The following ATL3 variants were observed in gnomAD, a reference collection of about 807,000 sequenced individuals.
ATL3 encodes atlastin GTPase 3, also known as atlastin-3.
A neutral mutation model predicts 69.5 loss-of-function variants in ATL3; 49 were observed. That is an observed-to-expected ratio of 0.71 (90% CI 0.56 to 0.89). ATL3 has a LOEUF of 0.89. Among genes scored for constraint, ATL3 ranks in the 40% least tolerant of loss-of-function variants. The pLI, the probability that ATL3 is intolerant of heterozygous loss-of-function variation, is 0.00. For synonymous variants in ATL3, 214 were observed against 224.1 expected (o/e 0.95, Z 0.40); for missense variants, 606 against 645.7 (o/e 0.94, Z 0.67).
upstream of ATL3, chr11:63,671,753 T>G: frequency 8.3e-7 from 1 of 1,203,050 alleles, no homozygotes; most frequent in Non-Finnish European, 1.1e-6. Context: ...GGCGTGGTTC[T>G]CCGACGACTG....
At chr11:63,631,740 C>T (rs1328136057) in intron 11 of ATL3, among the ~76,000 whole-genome samples, 2 of 152,162 alleles carry the variant, frequency 1.3e-5, no homozygotes, top group East Asian at 1.9e-4. Context: ...CCAGCACTTT[C>T]GGAGGCCAGG....
chr11:63,644,364 T>G, intron 6 of ATL3, 103 bp from the exon 7 acceptor site: 3 of 635,976 alleles, frequency 4.7e-6, no homozygotes, highest in South Asian at 3.5e-5. Context: ...ACAAAGGGGG[T>G]AAAGTAGAAG....
intron 1 of ATL3, among the ~76,000 whole-genome samples, chr11:63,667,086 T>C (rs1940593437): frequency 6.6e-6 from 1 of 152,222 alleles, no homozygotes; most frequent in Non-Finnish European, 1.5e-5. Flanking sequence ...TCATTCCCTT[T>C]TCCAGAGTAT....
chr11:63,653,139 T>C (rs1166463720), intron 3 of ATL3, among the ~76,000 whole-genome samples: 6 of 152,064 alleles, frequency 3.9e-5, no homozygotes, highest in Non-Finnish European at 8.8e-5. Context: ...CAGACCAGCC[T>C]GGCCAACACG....
At chr11:63,647,879 T>G (rs1003754898) in intron 5 of ATL3, among the ~76,000 whole-genome samples, 1 of 152,246 alleles carries the variant, frequency 6.6e-6, no homozygotes, top group African/African-American at 2.4e-5. Context: ...TTCTCTGTTC[T>G]GCTAAGAAAT....
At chr11:63,671,897 A>T, upstream of ATL3, 1 of 332,988 alleles carries the variant, frequency 3.0e-6, no homozygotes. Context: ...TGTGAGAGAC[A>T]GCTTTGGTGT....
At chr11:63,667,284 T>A (rs1358662594) in intron 1 of ATL3, among the ~76,000 whole-genome samples, 1 of 152,120 alleles carries the variant, frequency 6.6e-6, no homozygotes, top group African/African-American at 2.4e-5. Context: ...CTATCACTCA[T>A]CAGTTCAAGT....
rs576025217 is a variant in ATL3, at chr11:63,639,770, A to AATAC, written c.851-3440_851-3437dup. 7.6e-4 allele frequency among the ~76,000 whole-genome samples: 116 copies of AATAC among 152,170 alleles called. 3 individuals are homozygous for AATAC. The South Asian group carries it at 0.021, about 28-fold the overall frequency. ...ACCCTGTCTCTAAAATAAATAAATA[A>AATAC]ATACATACATACATACATGAATGCA... On this transcript the variant is annotated intron_variant, in intron 8 of 12. Coordinates refer to ENST00000398868, the MANE Select transcript of ATL3 (RefSeq NM_015459.5).
chr11:63,643,501 A>C lies in ATL3; in HGVS notation c.712-6T>G. On this transcript the variant is annotated splice_region_variant and splice_polypyrimidine_tract_variant and intron_variant, in intron 7 of 12. Transcript: ENST00000398868. ...TCATGTTGATGTTCCTTCACCTGCC[A>C]ATGAAGACCAAGAATTTACCAACCA... 1 of 1,603,018 alleles carries C rather than the reference A, an allele frequency of 6.2e-7. No homozygotes were observed. Among genetic ancestry groups the C allele is most frequent in the Non-Finnish European group, 8.5e-7 (1 of 1,174,748 alleles).
intron 1 of ATL3, 92 bp from the exon 2 acceptor site, chr11:63,659,344 G>A (rs955337267): frequency 9.1e-7 from 1 of 1,104,630 alleles, no homozygotes; most frequent in Non-Finnish European, 1.3e-6. Flanking sequence ...ACAGGGGACA[G>A]GGCCAGGCTC....
intron 11 of ATL3, chr11:63,632,596 T>C: frequency 3.5e-6 from 3 of 860,126 alleles, no homozygotes; most frequent in Admixed American, 3.4e-5. Context: ...ATTCTACAGA[T>C]TCCAGTTACT....
rs141584591 is a variant in ATL3 at position 63,640,232 on chromosome 11, T to C, written c.850+3125A>G. 3.7e-3 allele frequency among the ~76,000 whole-genome samples: 564 copies of C among 152,260 alleles called. 4 individuals carry two copies. The highest frequency in any genetic ancestry group is 0.013 in the African/African-American group (541 of 41,560). ...GAGCTACCGCACCCGGCCTCTACCT[T>C]ATCCTTTTTAATGACTGCATTTTAT... On this transcript the variant is annotated intron_variant, in intron 8 of 12. Coordinates refer to ENST00000398868, the MANE Select transcript of ATL3 (RefSeq NM_015459.5).
chr11:63,647,270 C>A (rs1038307308), intron 5 of ATL3, among the ~76,000 whole-genome samples: 1 of 152,102 alleles, frequency 6.6e-6, no homozygotes, highest in Non-Finnish European at 1.5e-5. Flanking sequence ...CGTGGCTCAT[C>A]GCAACCTCCG....
chr11:63,646,652 C>A, intron 5 of ATL3, 89 bp from the exon 6 acceptor site: 1 of 788,272 alleles, frequency 1.3e-6, no homozygotes, highest in Non-Finnish European at 2.1e-6. Context: ...TATATTTATA[C>A]TGATACCAGA....
intron 1 of ATL3, among the ~76,000 whole-genome samples, chr11:63,669,655 A>C (rs1457282644): frequency 6.6e-6 from 1 of 152,092 alleles, no homozygotes; most frequent in Non-Finnish European, 1.5e-5. Context: ...AGCTAATACA[A>C]TAATGGGCCG....
intron 6 of ATL3, among the ~76,000 whole-genome samples, chr11:63,645,263 C>G (rs767909142): frequency 6.6e-6 from 1 of 151,096 alleles, no homozygotes; most frequent in African/African-American, 2.4e-5. Flanking sequence ...AAAAATTAGC[C>G]GGGCGCCTGA....
At chr11:63,653,518 T>C (rs1350893522) in intron 3 of ATL3, among the ~76,000 whole-genome samples, 1 of 151,934 alleles carries the variant, frequency 6.6e-6, no homozygotes, top group Non-Finnish European at 1.5e-5. Flanking sequence ...TGAAAACTTA[T>C]GTCTCAACAA....
At chr11:63,656,303 T>C (rs752165197) in intron 3 of ATL3, among the ~76,000 whole-genome samples, 1 of 150,908 alleles carries the variant, frequency 6.6e-6, no homozygotes, top group African/African-American at 2.4e-5. Flanking sequence ...CAACCAGACA[T>C]ACCCTATAAA....
At chr11:63,653,871 G>A (rs769351190) in intron 3 of ATL3, among the ~76,000 whole-genome samples, 4 of 152,194 alleles carry the variant, frequency 2.6e-5, no homozygotes, top group South Asian at 2.1e-4. Context: ...TACAGAGAAT[G>A]TTTAGGGCAG....
Sources: allele counts gnomAD v4.1 joint callset (sites outside exome capture counted in the v4.1 genomes callset), GRCh38; gene constraint gnomAD v4.1.1; transcripts MANE v1.5; gene names NCBI Gene and HGNC (gene_info 2026-07-23, HGNC 2026-07-21).